The following CELF4 variants were observed in gnomAD, a reference collection of about 807,000 sequenced individuals.
CELF4 encodes the protein CUG-BP- and ETR-3-like factor 4.
In CELF4, 18 loss-of-function variants were observed where a neutral mutation model predicts 59.9. That is an observed-to-expected ratio of 0.30 (90% CI 0.21 to 0.45). CELF4 has a LOEUF of 0.45. Ranked by LOEUF, CELF4 falls within the 20% of genes least tolerant of loss-of-function variation. The probability of loss-of-function intolerance (pLI) is 1.00; values close to 1 mark genes in which losing one functional copy is unlikely to be tolerated. For missense variants in CELF4, 456 were observed against 689.0 expected (o/e 0.66, Z 3.79); for synonymous variants, 261 against 267.1 (o/e 0.98, Z 0.22).
chr18:37,474,962 G>A (rs2099844637), intron 2 of CELF4, among the ~76,000 whole-genome samples: 1 of 152,184 alleles, frequency 6.6e-6, no homozygotes, highest in South Asian at 2.1e-4. Flanking sequence ...AAGACCCCTG[G>A]GCACAACCTC....
chr18:37,330,955 G>A (rs920661861), intron 2 of CELF4, among the ~76,000 whole-genome samples: 1 of 152,180 alleles, frequency 6.6e-6, no homozygotes, highest in African/African-American at 2.4e-5. Flanking sequence ...AGAACCGGAG[G>A]TTATTGTTAA....
chr18:37,456,678 C>T (rs1366309515), intron 2 of CELF4, among the ~76,000 whole-genome samples: 1 of 152,104 alleles, frequency 6.6e-6, no homozygotes, highest in East Asian at 1.9e-4. Context: ...AAACTGAGGC[C>T]CAGGTGATCA....
intron 1 of CELF4, among the ~76,000 whole-genome samples, chr18:37,490,642 G>A (rs982452368): frequency 1.3e-5 from 2 of 152,190 alleles, no homozygotes; most frequent in Non-Finnish European, 2.9e-5. Context: ...CAGCAAGCTG[G>A]AAATGTAAAT....
At chr18:37,435,100 G>C (rs987779543) in intron 2 of CELF4, among the ~76,000 whole-genome samples, 2 of 152,072 alleles carry the variant, frequency 1.3e-5, no homozygotes, top group Admixed American at 6.5e-5. Flanking sequence ...TTCCCCTTTG[G>C]GGGTAGAGAA....
intron 3 of CELF4, among the ~76,000 whole-genome samples, chr18:37,303,103 C>T (rs1294591702): frequency 6.6e-6 from 1 of 152,122 alleles, no homozygotes; most frequent in East Asian, 1.9e-4. Context: ...ATGAAAGTAC[C>T]ATTGTTCTCA....
intron 2 of CELF4, among the ~76,000 whole-genome samples, chr18:37,413,454 G>T (rs186377468): frequency 1.3e-5 from 2 of 152,230 alleles, no homozygotes; most frequent in African/African-American, 2.4e-5. Flanking sequence ...TTTGATTGGG[G>T]TGTGTTTGTA....
chr18:37,445,954 A>G (rs1331638974), intron 2 of CELF4, among the ~76,000 whole-genome samples: 1 of 152,096 alleles, frequency 6.6e-6, no homozygotes, highest in African/African-American at 2.4e-5. Flanking sequence ...CCCAGCTTTT[A>G]TCCTCTTCAC....
chr18:37,483,530 C>A (rs1001453142), intron 2 of CELF4, among the ~76,000 whole-genome samples: 2 of 152,174 alleles, frequency 1.3e-5, no homozygotes, highest in Non-Finnish European at 2.9e-5. Flanking sequence ...TCCCAACATA[C>A]ACTCACGTTT....
chr18:37,275,341 C>T, intron 3 of CELF4, 98 bp from the exon 4 acceptor site: 1 of 1,120,588 alleles, frequency 8.9e-7, no homozygotes, highest in Middle Eastern at 3.3e-4. Flanking sequence ...AAGGGAGGAG[C>T]CGGGGAGGCG....
chr18:37,342,458 G>GA (rs1176390440), intron 2 of CELF4, among the ~76,000 whole-genome samples: 1 of 152,196 alleles, frequency 6.6e-6, no homozygotes, highest in East Asian at 1.9e-4. Flanking sequence ...GCCTGGTGGG[G>GA]AAGGGGGCCT....
chr18:37,361,196 T>A (rs1367064105), intron 2 of CELF4, among the ~76,000 whole-genome samples: 1 of 152,026 alleles, frequency 6.6e-6, no homozygotes, highest in Admixed American at 6.5e-5. Flanking sequence ...AGTGTTGCAT[T>A]TTCTGCCCTG....
chr18:37,346,785 G>A (rs984757223), intron 2 of CELF4, among the ~76,000 whole-genome samples: 7 of 152,146 alleles, frequency 4.6e-5, no homozygotes, highest in Non-Finnish European at 1.0e-4. Flanking sequence ...GAGCCTGGCA[G>A]GAGGGAGGAA....
intron 2 of CELF4, among the ~76,000 whole-genome samples, chr18:37,433,354 T>G (rs1217387310): frequency 6.6e-6 from 1 of 152,158 alleles, no homozygotes; most frequent in Non-Finnish European, 1.5e-5. Flanking sequence ...TCCCATGCCC[T>G]GCTCTTGCCA....
intron 2 of CELF4, among the ~76,000 whole-genome samples, chr18:37,438,240 T>G (rs1367000762): frequency 6.6e-6 from 1 of 152,142 alleles, no homozygotes; most frequent in African/African-American, 2.4e-5. Flanking sequence ...AAAGGTCAAG[T>G]GATTGACTGT....
intron 1 of CELF4, among the ~76,000 whole-genome samples, chr18:37,508,604 A>T (rs1385762607): frequency 6.6e-6 from 1 of 152,212 alleles, no homozygotes; most frequent in Non-Finnish European, 1.5e-5. Flanking sequence ...CACGCTGACA[A>T]ATGCCACAGG....
intron 2 of CELF4, among the ~76,000 whole-genome samples, chr18:37,355,309 G>A (rs2098544354): frequency 6.6e-6 from 1 of 152,180 alleles, no homozygotes; most frequent in Admixed American, 6.5e-5. Flanking sequence ...GAATGCATGT[G>A]GTATTGAGTG....
chr18:37,272,641 C>G (rs2091859328), intron 7 of CELF4, among the ~76,000 whole-genome samples: 1 of 145,658 alleles, frequency 6.9e-6, no homozygotes, highest in Admixed American at 6.9e-5. Context: ...AGGGGCTGAA[C>G]AAGGCCACAG....
intron 2 of CELF4, among the ~76,000 whole-genome samples, chr18:37,358,144 T>C (rs901462721): frequency 2.6e-5 from 4 of 152,206 alleles, no homozygotes; most frequent in African/African-American, 4.8e-5. Flanking sequence ...TGGAATGATA[T>C]GGTTTGGCTG....
chr18:37,379,415 T>A (rs558580085), intron 2 of CELF4, among the ~76,000 whole-genome samples: 205 of 144,724 alleles, frequency 1.4e-3, no homozygotes, highest in African/African-American at 5.2e-3. Flanking sequence ...TGATGCTGGC[T>A]GCCTTTTGTA....
Sources: gnomAD v4.1 joint callset for allele counts (sites outside exome capture counted in the v4.1 genomes callset) on GRCh38, gnomAD v4.1.1 for gene constraint, MANE v1.5 for transcripts, NCBI Gene and HGNC (gene_info 2026-07-23, HGNC 2026-07-21) for gene names.